CLOCK: variants seen among roughly 807,000 people sequenced by gnomAD.
CLOCK encodes the protein clock circadian regulator, also known as circadian locomoter output cycles protein kaput.
In CLOCK, 43 loss-of-function variants were observed where a neutral mutation model predicts 118.4. The observed-to-expected ratio is 0.36, with a 90% confidence interval of 0.28 to 0.47. The LOEUF is 0.47. Among genes scored for constraint, CLOCK ranks in the 20% least tolerant of loss-of-function variants. The pLI is 1.00. For missense variants in CLOCK, 846 were observed against 999.9 expected (o/e 0.85, Z 2.08); for synonymous variants, 326 against 339.2 (o/e 0.96, Z 0.43).
intron 8 of CLOCK, among the ~76,000 whole-genome samples, chr4:55,466,823 G>A (rs1005375797): frequency 6.6e-6 from 1 of 152,012 alleles, no homozygotes; most frequent in South Asian, 2.1e-4. Context: ...ACAATCAAAC[G>A]TAAGAAAAGA....
intron 1 of CLOCK, among the ~76,000 whole-genome samples, chr4:55,522,552 A>G (rs1729912478): frequency 6.6e-6 from 1 of 152,138 alleles, no homozygotes; most frequent in African/African-American, 2.4e-5. Context: ...AAAACATGCT[A>G]AACTTTATGA....
At chr4:55,479,537 C>T in intron 5 of CLOCK, 103 bp downstream of exon 5, 1 of 962,214 alleles carries the variant, frequency 1.0e-6, no homozygotes, top group African/African-American at 1.6e-5. Flanking sequence ...TATCTAAACT[C>T]CTAAAGCACA....
intron 2 of CLOCK, among the ~76,000 whole-genome samples, chr4:55,490,432 C>CCCCA (rs1187352157): frequency 6.6e-6 from 1 of 151,894 alleles, no homozygotes; most frequent in Admixed American, 6.6e-5. Context: ...GATGTCAATA[C>CCCCA]CCCACTTTCA....
chr4:55,522,432 A>T (rs528407019), intron 1 of CLOCK, among the ~76,000 whole-genome samples: 5 of 152,100 alleles, frequency 3.3e-5, no homozygotes, highest in Non-Finnish European at 7.4e-5. Context: ...CAAAGTTCGT[A>T]ACAAGATACT....
At chr4:55,440,293 CTG>C (rs1428361369) in intron 21 of CLOCK, among the ~76,000 whole-genome samples, 1 of 152,218 alleles carries the variant, frequency 6.6e-6, no homozygotes, top group Non-Finnish European at 1.5e-5. Flanking sequence ...ATAGCGTCCT[CTG>C]TGCTAGAATT....
chr4:55,526,847 T>C (rs1446331174), intron 1 of CLOCK, among the ~76,000 whole-genome samples: 2 of 148,040 alleles, frequency 1.4e-5, no homozygotes, highest in African/African-American at 5.0e-5. Context: ...CTCGGGAGGC[T>C]GAGGCAAGAG....
chr4:55,540,445 A>G (rs559487696), intron 1 of CLOCK: 25 of 152,234 alleles, frequency 1.6e-4, no homozygotes, highest in Admixed American at 9.8e-4. Flanking sequence ...ACATTAAACC[A>G]TATTTTAATA....
At chr4:55,453,582 T>C in intron 14 of CLOCK, 95 bp downstream of exon 14, 1 of 1,004,508 alleles carries the variant, frequency 1.0e-6, no homozygotes, top group Non-Finnish European at 1.5e-6. Context: ...AAAGAGCACT[T>C]TGTAGCTCTT....
At chr4:55,493,638 G>A (rs375866730) in intron 2 of CLOCK, among the ~76,000 whole-genome samples, 1 of 152,092 alleles carries the variant, frequency 6.6e-6, no homozygotes, top group Non-Finnish European at 1.5e-5. Flanking sequence ...TAATGTACGA[G>A]GAAAAAATGA....
At chr4:55,519,687 A>T (rs187878104) in intron 1 of CLOCK, among the ~76,000 whole-genome samples, 4 of 152,286 alleles carry the variant, frequency 2.6e-5, no homozygotes, top group Admixed American at 2.6e-4. Flanking sequence ...CTGAGGCAGG[A>T]GAACCAATTG....
intron 6 of CLOCK, among the ~76,000 whole-genome samples, chr4:55,476,463 G>A (rs1400071058): frequency 6.6e-6 from 1 of 152,084 alleles, no homozygotes; most frequent in African/African-American, 2.4e-5. Flanking sequence ...AGCTGAAAAA[G>A]GCCAAAGAGG....
chr4:55,439,233 C>A (rs548578800), intron 21 of CLOCK, among the ~76,000 whole-genome samples: 62 of 152,260 alleles, frequency 4.1e-4, no homozygotes, highest in Non-Finnish European at 7.8e-4. Context: ...AAAGAAGATA[C>A]ACAAATGGCT....
At chr4:55,482,628 TAA>T in intron 4 of CLOCK, 109 bp downstream of exon 4, 1 of 682,576 alleles carries the variant, frequency 1.5e-6, no homozygotes, top group Non-Finnish European at 2.4e-6. Flanking sequence ...AATGCAATAG[TAA>T]TTATGTTTAG....
intron 1 of CLOCK, among the ~76,000 whole-genome samples, chr4:55,529,017 A>T (rs1730374216): frequency 6.6e-6 from 1 of 152,216 alleles, no homozygotes; most frequent in African/African-American, 2.4e-5. Flanking sequence ...AAACAAGTCC[A>T]TGACTACAAT....
chr4:55,484,944 T>C (rs933159282), intron 3 of CLOCK, among the ~76,000 whole-genome samples: 3 of 152,076 alleles, frequency 2.0e-5, no homozygotes, highest in African/African-American at 4.8e-5. Flanking sequence ...GTCCAGCTAA[T>C]AGAACAACGT....
At chr4:55,524,184 T>C (rs1240160813) in intron 1 of CLOCK, among the ~76,000 whole-genome samples, 2 of 151,418 alleles carry the variant, frequency 1.3e-5, no homozygotes, top group Non-Finnish European at 2.9e-5. Context: ...AGGCCAGGAG[T>C]TTGAAGACCA....
chr4:55,544,867 T>C (rs1048019921), intron 1 of CLOCK, among the ~76,000 whole-genome samples: 3 of 152,190 alleles, frequency 2.0e-5, no homozygotes, highest in Admixed American at 1.3e-4. Context: ...TAAACTTGTA[T>C]TATTACACCT....
Position 55,435,133 on chromosome 4 carries a change from A to G in CLOCK, c.*282T>C, listed in dbSNP as rs549023689. The G allele has an allele frequency of 6.8e-5, 29 of 424,620 alleles. No homozygotes were observed. Among genetic ancestry groups the G allele is most frequent in the African/African-American group, 5.0e-4 (25 of 49,578 alleles). The allele number at this position is 424,620 out of a possible 1,614,324, so 26.3% of individuals were successfully genotyped here. A position where few individuals can be genotyped will look rare whatever the true frequency, so the allele number is the denominator to read the frequency against. ...AGGTCATTTCATAGCTGAGCTTCTT[A>G]ATATTTGGCAATATATTCTTTTTCC... On this transcript the variant is annotated 3_prime_UTR_variant, in exon 23 of 23. Transcript: ENST00000513440.
intron 18 of CLOCK, among the ~76,000 whole-genome samples, chr4:55,445,392 T>C (rs1485862682): frequency 6.6e-6 from 1 of 152,016 alleles, no homozygotes; most frequent in African/African-American, 2.4e-5. Flanking sequence ...ATCTGTGGCA[T>C]GTCAGTGAAC....
Sources: gnomAD v4.1 joint callset for allele counts (sites outside exome capture counted in the v4.1 genomes callset) on GRCh38, gnomAD v4.1.1 for gene constraint, MANE v1.5 for transcripts, NCBI Gene and HGNC (gene_info 2026-07-23, HGNC 2026-07-21) for gene names.